The following CCNY variants were observed in gnomAD, a reference collection of about 807,000 sequenced individuals.
The protein encoded by CCNY is cyclin-Y.
Under a neutral mutation model 42.8 loss-of-function variants are expected in CCNY, and 19 were observed. That is an observed-to-expected ratio of 0.44 (90% CI 0.31 to 0.65). CCNY has a LOEUF of 0.65. Among genes scored for constraint, CCNY ranks in the 30% least tolerant of loss-of-function variants. The pLI is 0.07. For synonymous variants in CCNY, 165 were observed against 162.7 expected (o/e 1.01, Z -0.11); for missense variants, 370 against 437.3 (o/e 0.85, Z 1.37).
At chr10:35,430,371 T>G (rs553872813) in intron 1 of CCNY, among the ~76,000 whole-genome samples, 2 of 144,760 alleles carry the variant, frequency 1.4e-5, no homozygotes, top group South Asian at 4.3e-4. Context: ...AGTGATGAGA[T>G]GTTGAAATCC....
At chr10:35,345,639 C>T (rs1217054360) in intron 1 of CCNY, among the ~76,000 whole-genome samples, 1 of 152,088 alleles carries the variant, frequency 6.6e-6, no homozygotes, top group Non-Finnish European at 1.5e-5. Flanking sequence ...CCAGTATCTC[C>T]ACCTAATTAT....
chr10:35,312,884 AG>A (rs1283249371), intron 3 of CCNY, among the ~76,000 whole-genome samples: 1 of 151,120 alleles, frequency 6.6e-6, no homozygotes, highest in African/African-American at 2.4e-5. Context: ...CTAAAATGCC[AG>A]GATTACAGGC....
At chr10:35,519,693 T>G (rs1317403406) in intron 4 of CCNY, among the ~76,000 whole-genome samples, 1 of 147,302 alleles carries the variant, frequency 6.8e-6, no homozygotes, top group Non-Finnish European at 1.5e-5. Flanking sequence ...TCCGAAGACA[T>G]GGTCTCTGCA....
chr10:35,278,849 G>C (rs1302484517), intron 3 of CCNY, among the ~76,000 whole-genome samples: 1 of 152,160 alleles, frequency 6.6e-6, no homozygotes. Context: ...CCCGAGAGGG[G>C]ATCCTGGCAA....
intron 1 of CCNY, among the ~76,000 whole-genome samples, chr10:35,408,371 C>T (rs532623258): frequency 1.1e-4 from 16 of 150,064 alleles, no homozygotes; most frequent in African/African-American, 2.0e-4. Flanking sequence ...ACCTGGGTGC[C>T]GGCAGGCTGA....
chr10:35,391,292 A>G (rs900641776), intron 1 of CCNY, among the ~76,000 whole-genome samples: 25 of 152,180 alleles, frequency 1.6e-4, no homozygotes, highest in Admixed American at 1.3e-3. Context: ...CTGATTGGCT[A>G]TTTTAAAGAG....
At chr10:35,385,964 T>C (rs1002995010) in intron 1 of CCNY, among the ~76,000 whole-genome samples, 3 of 152,194 alleles carry the variant, frequency 2.0e-5, no homozygotes, top group Non-Finnish European at 4.4e-5. Context: ...TCTGTCCTAA[T>C]GCGTCTCATG....
At chr10:35,483,850 T>G (rs1839726740) in intron 2 of CCNY, among the ~76,000 whole-genome samples, 1 of 152,238 alleles carries the variant, frequency 6.6e-6, no homozygotes, top group Non-Finnish European at 1.5e-5. Flanking sequence ...AATATAATCC[T>G]TAAATAAAAG....
At position 35,569,145 on chromosome 10, in the gene CCNY, G is replaced by A. The variant is rs199767699; in HGVS notation, c.1001G>A (p.Arg334Gln). 95 of 1,611,040 alleles carry A rather than the reference G, an allele frequency of 5.9e-5. No individual in the cohort carries two copies. Among genetic ancestry groups the A allele is most frequent in the Non-Finnish European group, 2.0e-5 (23 of 1,178,792 alleles). ...AGTGCAGACAACCTGACTCTGCCCC[G>A]GTGGTCCCCAGCCATCATCTCTTAA... ...SASADNLTLP[R>Q]WSPAIIS The change falls in exon 10 of 10, where the codon CGG becomes CAG. Residue 334 changes from arginine (R) to glutamine (Q), a missense_variant. Around this residue, in one of 2 missense-constraint regions of CCNY, gnomAD observed 234 missense variants for 313.1 expected, o/e 0.75. Coordinates refer to ENST00000374704, the MANE Select transcript of CCNY (RefSeq NM_145012.6).
intron 1 of CCNY, among the ~76,000 whole-genome samples, chr10:35,457,577 A>T (rs1313139612): frequency 1.3e-5 from 2 of 151,790 alleles, no homozygotes; most frequent in African/African-American, 2.4e-5. Context: ...ACCCAAATTC[A>T]TAGATGTATT....
intron 1 of CCNY, among the ~76,000 whole-genome samples, chr10:35,448,309 G>GT (rs1838837001): frequency 6.6e-6 from 1 of 152,182 alleles, no homozygotes; most frequent in Non-Finnish European, 1.5e-5. Flanking sequence ...GAAGTTAAGG[G>GT]TGGGGACATG....
At chr10:35,329,629 A>G (rs1835918315) in intron 3 of CCNY, among the ~76,000 whole-genome samples, 1 of 152,206 alleles carries the variant, frequency 6.6e-6, no homozygotes, top group Non-Finnish European at 1.5e-5. Context: ...AAGGAAAAGC[A>G]TTGTTTGTGC....
intron 3 of CCNY, among the ~76,000 whole-genome samples, chr10:35,255,592 C>A (rs575971859): frequency 4.6e-5 from 7 of 152,104 alleles, no homozygotes; most frequent in East Asian, 1.9e-4. Context: ...GCCACCACAC[C>A]CAACAAATGT....
At chr10:35,525,130 G>T (rs1250007399) in intron 4 of CCNY, among the ~76,000 whole-genome samples, 2 of 151,914 alleles carry the variant, frequency 1.3e-5, no homozygotes, top group Non-Finnish European at 2.9e-5. Flanking sequence ...ATCATATGAA[G>T]GAATATAATC....
intron 1 of CCNY, among the ~76,000 whole-genome samples, chr10:35,398,719 C>CA (rs1015118851): frequency 2.0e-5 from 3 of 152,104 alleles, no homozygotes; most frequent in Admixed American, 2.0e-4. Context: ...CAAAACAAAA[C>CA]AAAAAACCGT....
At chr10:35,514,883 T>A (rs1032310936) in intron 3 of CCNY, among the ~76,000 whole-genome samples, 5 of 152,226 alleles carry the variant, frequency 3.3e-5, no homozygotes, top group African/African-American at 1.2e-4. Flanking sequence ...TTGTAGTAGA[T>A]TTTACATCTG....
chr10:35,550,569 C>T (rs1589199892), intron 7 of CCNY, among the ~76,000 whole-genome samples: 2 of 152,120 alleles, frequency 1.3e-5, no homozygotes, highest in Non-Finnish European at 2.9e-5. Flanking sequence ...TTCTCCTGCC[C>T]CTCCACCTGC....
intron 3 of CCNY, among the ~76,000 whole-genome samples, chr10:35,273,125 C>G (rs1469963772): frequency 1.3e-5 from 2 of 152,062 alleles, no homozygotes; most frequent in Non-Finnish European, 2.9e-5. Flanking sequence ...CATTCTCTTT[C>G]CCGTTCTCCT....
intron 1 of CCNY, among the ~76,000 whole-genome samples, chr10:35,442,378 G>C (rs549487026): frequency 6.6e-6 from 1 of 152,228 alleles, no homozygotes. Context: ...TTAGCCATCT[G>C]CTGTGCATCA....
Sources: allele counts gnomAD v4.1 joint callset (sites outside exome capture counted in the v4.1 genomes callset), GRCh38; gene constraint gnomAD v4.1.1; regional missense constraint gnomAD v4.1.1; transcripts MANE v1.5; gene names NCBI Gene and HGNC (gene_info 2026-07-23, HGNC 2026-07-21).